The following SKAP1 variants were observed in gnomAD, a reference collection of about 807,000 sequenced individuals.
The protein encoded by SKAP1 is src kinase-associated phosphoprotein 1.
In SKAP1, 44 loss-of-function variants were observed where a neutral mutation model predicts 58.5. The ratio of observed to expected loss-of-function variants is 0.75; its 90% CI spans 0.59 to 0.97. SKAP1 has a LOEUF of 0.97. SKAP1 is among the 50% of genes least tolerant of loss of function. The probability of loss-of-function intolerance (pLI) is 0.00; values close to 1 mark genes in which losing one functional copy is unlikely to be tolerated. For missense variants in SKAP1, 390 were observed against 435.2 expected, an observed-to-expected ratio of 0.90 and a Z score of 0.92; for synonymous variants, 127 against 149.7, an observed-to-expected ratio of 0.85 and a Z score of 1.11.
intron 4 of SKAP1, among the ~76,000 whole-genome samples, chr17:48,192,784 C>T (rs1275453315): frequency 6.6e-6 from 1 of 152,132 alleles, no homozygotes; most frequent in Admixed American, 6.5e-5. Flanking sequence ...CCAAGAATGC[C>T]ACCACTAAGG....
At chr17:48,395,887 A>G (rs996717946) in intron 2 of SKAP1, among the ~76,000 whole-genome samples, 17 of 152,232 alleles carry the variant, frequency 1.1e-4, no homozygotes, top group African/African-American at 4.1e-4. Flanking sequence ...TTTTTAGAGC[A>G]GATACTAAGA....
At chr17:48,308,259 C>A (rs2066175841) in intron 4 of SKAP1, 1 of 152,110 alleles carries the variant, frequency 6.6e-6, no homozygotes, top group Non-Finnish European at 1.5e-5. Flanking sequence ...ACTGAGCTAT[C>A]CTTAGAGTAA....
chr17:48,197,206 C>T (rs1307867648), intron 4 of SKAP1, among the ~76,000 whole-genome samples: 1 of 137,394 alleles, frequency 7.3e-6, no homozygotes. Flanking sequence ...GGCAGTGAGC[C>T]GAGATTGCGC....
the SKAP1 span, among the ~76,000 whole-genome samples, chr17:48,436,122 A>T: frequency 6.7e-6 from 1 of 150,136 alleles, no homozygotes; most frequent in Admixed American, 6.6e-5. Flanking sequence ...CCCAGGCTGG[A>T]GTGCAACGGT....
chr17:48,411,828 C>T (rs1410697804), intron 1 of SKAP1, among the ~76,000 whole-genome samples: 2 of 152,172 alleles, frequency 1.3e-5, no homozygotes, highest in Non-Finnish European at 2.9e-5. Flanking sequence ...CTCCTCAAAA[C>T]TGTCAAGGTC....
intron 4 of SKAP1, among the ~76,000 whole-genome samples, chr17:48,310,416 T>C (rs2066208025): frequency 6.6e-6 from 1 of 152,174 alleles, no homozygotes; most frequent in Non-Finnish European, 1.5e-5. Flanking sequence ...TGGTTCCAAT[T>C]CATCTCTCAT....
chr17:48,218,256 T>C (rs2064963411), intron 4 of SKAP1, among the ~76,000 whole-genome samples: 1 of 152,184 alleles, frequency 6.6e-6, no homozygotes, highest in African/African-American at 2.4e-5. Flanking sequence ...CTGGCAGAGT[T>C]GGGTTAGGGA....
At chr17:48,415,028 C>T (rs1325240426) in intron 1 of SKAP1, among the ~76,000 whole-genome samples, 1 of 152,150 alleles carries the variant, frequency 6.6e-6, no homozygotes, top group Non-Finnish European at 1.5e-5. Flanking sequence ...AAATATTTGT[C>T]TGTGTTCCCT....
intron 4 of SKAP1, among the ~76,000 whole-genome samples, chr17:48,190,863 TA>T (rs1356169319): frequency 3.9e-5 from 6 of 152,132 alleles, no homozygotes; most frequent in Admixed American, 6.5e-5. Context: ...CACACACCTG[TA>T]ATCCCAGCTA....
At chr17:48,338,112 TTTC>T (rs1344834193) in intron 4 of SKAP1, among the ~76,000 whole-genome samples, 2 of 151,604 alleles carry the variant, frequency 1.3e-5, no homozygotes, top group Non-Finnish European at 2.9e-5. Flanking sequence ...TCTTTCTTTC[TTTC>T]TTTTCTTCCT....
intron 4 of SKAP1, among the ~76,000 whole-genome samples, chr17:48,269,516 T>C (rs532692664): frequency 6.6e-6 from 1 of 152,344 alleles, no homozygotes; most frequent in East Asian, 1.9e-4. Context: ...GGTCATATTC[T>C]TGTACAAAAT....
intron 4 of SKAP1, among the ~76,000 whole-genome samples, chr17:48,322,774 T>C (rs568340294): frequency 1.3e-5 from 2 of 152,208 alleles, no homozygotes; most frequent in African/African-American, 4.8e-5. Flanking sequence ...ACATAGCCCC[T>C]GTGAAATAAG....
At chr17:48,393,757 G>T (rs1487833292) in intron 2 of SKAP1, among the ~76,000 whole-genome samples, 1 of 151,968 alleles carries the variant, frequency 6.6e-6, no homozygotes, top group African/African-American at 2.4e-5. Context: ...CTAGGAAGTT[G>T]TAAAATATAT....
intron 1 of SKAP1, among the ~76,000 whole-genome samples, chr17:48,419,090 AG>A (rs2067764958): frequency 6.6e-6 from 1 of 151,966 alleles, no homozygotes; most frequent in Non-Finnish European, 1.5e-5. Context: ...GATGGAAGGG[AG>A]GGAGGAAGAG....
chr17:48,444,742 C>T, the SKAP1 span, among the ~76,000 whole-genome samples: 2 of 152,156 alleles, frequency 1.3e-5, no homozygotes, highest in African/African-American at 4.8e-5. Context: ...CTGGAAGGCT[C>T]CTGAGCAGGT....
upstream of SKAP1, among the ~76,000 whole-genome samples, chr17:48,431,978 A>G (rs1406224195): frequency 6.6e-6 from 1 of 152,160 alleles, no homozygotes; most frequent in Non-Finnish European, 1.5e-5. Flanking sequence ...TTTAAGGAGT[A>G]CAGTGCATCC....
chr17:48,284,462 G>C (rs538803202), intron 4 of SKAP1, among the ~76,000 whole-genome samples: 142 of 152,196 alleles, frequency 9.3e-4, no homozygotes, highest in African/African-American at 3.2e-3. Context: ...TGGGCCTATG[G>C]TGGGTTCTGC....
At chr17:48,385,650 T>A (rs1011965075) in intron 2 of SKAP1, among the ~76,000 whole-genome samples, 1 of 152,078 alleles carries the variant, frequency 6.6e-6, no homozygotes, top group African/African-American at 2.4e-5. Context: ...ATAGTGAAAG[T>A]CCAGAAGTAG....
At chr17:48,192,492 A>T (rs1333871583) in intron 4 of SKAP1, among the ~76,000 whole-genome samples, 1 of 152,076 alleles carries the variant, frequency 6.6e-6, no homozygotes, top group Non-Finnish European at 1.5e-5. Context: ...GTGCAGGGAG[A>T]GTCTGTGAGT....
Sources: allele counts gnomAD v4.1 joint callset (sites outside exome capture counted in the v4.1 genomes callset), GRCh38; gene constraint gnomAD v4.1.1; transcripts MANE v1.5; gene names NCBI Gene and HGNC (gene_info 2026-07-23, HGNC 2026-07-21).